The following MIPEP variants were observed in gnomAD, a reference collection of about 807,000 sequenced individuals.
The protein encoded by MIPEP is mitochondrial intermediate peptidase.
Under a neutral mutation model 90.3 loss-of-function variants are expected in MIPEP, and 79 were observed. The observed-to-expected ratio is 0.87, with a 90% CI of 0.73 to 1.05. MIPEP has a LOEUF of 1.05. MIPEP is among the 50% of genes least tolerant of loss of function. MIPEP has a pLI of 0.00. For missense variants in MIPEP, 940 were observed against 905.6 expected, an observed-to-expected ratio of 1.04 and a Z score of -0.49; for synonymous variants, 334 against 315.8, an observed-to-expected ratio of 1.06 and a Z score of -0.61.
At chr13:23,756,859 T>C (rs1453004687) in intron 17 of MIPEP, 1 of 522,556 alleles carries the variant, frequency 1.9e-6, no homozygotes, top group Non-Finnish European at 3.4e-6. Flanking sequence ...GGCTATCTGT[T>C]CTGTTAACAA....
At chr13:23,781,635 CT>C (rs1475817704) in intron 16 of MIPEP, among the ~76,000 whole-genome samples, 1 of 152,092 alleles carries the variant, frequency 6.6e-6, no homozygotes, top group Admixed American at 6.6e-5. Context: ...GGGCTAAATG[CT>C]CCAATTAAAA....
At chr13:23,799,000 G>GTTTTTTTTTTTTTTTTTTTTT (rs765292524) in intron 16 of MIPEP, among the ~76,000 whole-genome samples, 1 of 88,904 alleles carries the variant, frequency 1.1e-5, no homozygotes, top group Non-Finnish European at 2.0e-5. Context: ...AATTTTTTTG[G>GTTTTTTTTTTTTTTTTTTTTT]TTTTTTTTTT....
At chr13:23,830,811 T>C (rs1868702067) in intron 14 of MIPEP, among the ~76,000 whole-genome samples, 1 of 152,146 alleles carries the variant, frequency 6.6e-6, no homozygotes, top group African/African-American at 2.4e-5. Context: ...ATTTTACAAA[T>C]AAGCAGCAGC....
At chr13:23,770,646 T>C (rs544068163) in intron 16 of MIPEP, among the ~76,000 whole-genome samples, 2 of 152,152 alleles carry the variant, frequency 1.3e-5, no homozygotes, top group East Asian at 1.9e-4. Flanking sequence ...TGTCCTGCAA[T>C]TGGGCTGGAG....
chr13:23,862,140 A>G (rs1381080872), intron 9 of MIPEP, among the ~76,000 whole-genome samples, 162 bp downstream of exon 9: 2 of 152,040 alleles, frequency 1.3e-5, no homozygotes, highest in Non-Finnish European at 2.9e-5. Flanking sequence ...AGTTTGGGAC[A>G]TAAGAATCAA....
chr13:23,821,510 C>T (rs1953304723), intron 14 of MIPEP, among the ~76,000 whole-genome samples: 1 of 152,164 alleles, frequency 6.6e-6, no homozygotes, highest in Non-Finnish European at 1.5e-5. Context: ...CAGGTGAGAC[C>T]TGTCACAAGA....
Position 23,760,158 on chromosome 13 carries a change from G to A in MIPEP, c.1908C>T (p.Leu636=). The change falls in exon 17 of 19, where the codon CTC becomes CTT. Residue 636 remains leucine, a synonymous_variant. Coordinates refer to ENST00000382172, the MANE Select transcript of MIPEP (RefSeq NM_005932.4). ...VGYGARYYSY[L]MSRAVASMVW... Reference sequence around the variant, plus strand: ...CCATGGAGGCGACCGCTCTGGACATGAGGTAAGAGTAATATCTAGCACCAT... The same window carrying A: ...CCATGGAGGCGACCGCTCTGGACATAAGGTAAGAGTAATATCTAGCACCAT... 6.2e-7 allele frequency: 1 copy of A among 1,614,140 alleles called. No homozygotes were observed. The highest frequency in any genetic ancestry group is 8.5e-7 in the Non-Finnish European group (1 of 1,180,016).
intron 15 of MIPEP, among the ~76,000 whole-genome samples, chr13:23,807,561 T>C (rs1205571742): frequency 6.6e-6 from 1 of 152,220 alleles, no homozygotes; most frequent in African/African-American, 2.4e-5. Flanking sequence ...ATACAGACAT[T>C]TCCTAAATAT....
At chr13:23,811,587 A>G (rs193130867) in intron 14 of MIPEP, among the ~76,000 whole-genome samples, 3 of 152,314 alleles carry the variant, frequency 2.0e-5, no homozygotes, top group East Asian at 3.9e-4. Flanking sequence ...TTGCTTTTCT[A>G]TAAGTTGCTC....
intron 17 of MIPEP, 70 bp from the exon 18 acceptor site, chr13:23,756,688 A>C: frequency 3.0e-4 from 432 of 1,452,322 alleles, no homozygotes; most frequent in Non-Finnish European, 3.7e-4. Flanking sequence ...TTGAATTCTC[A>C]AAGAAAGCCA....
At chr13:23,835,240 C>T (rs902972128) in intron 14 of MIPEP, among the ~76,000 whole-genome samples, 2 of 151,790 alleles carry the variant, frequency 1.3e-5, no homozygotes, top group African/African-American at 4.8e-5. Flanking sequence ...AGGCTGGTCT[C>T]GAACTCCCAA....
chr13:23,741,961 G>C (rs917238862), intron 18 of MIPEP, among the ~76,000 whole-genome samples: 1 of 152,210 alleles, frequency 6.6e-6, no homozygotes, highest in African/African-American at 2.4e-5. Context: ...GTTAGGAACA[G>C]TCTGGTGGAC....
intron 2 of MIPEP, among the ~76,000 whole-genome samples, chr13:23,883,716 C>T (rs1293281303): frequency 6.6e-6 from 1 of 152,196 alleles, no homozygotes; most frequent in Non-Finnish European, 1.5e-5. Flanking sequence ...GTTGACTCCA[C>T]AGATCCCCCA....
intron 16 of MIPEP, among the ~76,000 whole-genome samples, chr13:23,786,933 T>C (rs533394573): frequency 5.3e-5 from 8 of 152,264 alleles, no homozygotes; most frequent in African/African-American, 1.7e-4. Flanking sequence ...GTACACAATC[T>C]TGAACACAAG....
chr13:23,831,914 T>A (rs146475012), intron 14 of MIPEP, among the ~76,000 whole-genome samples: 2 of 152,278 alleles, frequency 1.3e-5, no homozygotes, highest in South Asian at 4.1e-4. Context: ...GTTTAGACTG[T>A]CTTCTTTCCT....
intron 10 of MIPEP, among the ~76,000 whole-genome samples, chr13:23,856,533 T>A (rs974424557): frequency 3.3e-5 from 5 of 152,034 alleles, no homozygotes; most frequent in Admixed American, 1.3e-4. Flanking sequence ...AAATTGGGGG[T>A]AGATTATTCA....
At chr13:23,818,374 C>G (rs1279285710) in intron 14 of MIPEP, among the ~76,000 whole-genome samples, 2 of 152,102 alleles carry the variant, frequency 1.3e-5, no homozygotes, top group Non-Finnish European at 1.5e-5. Flanking sequence ...TGCAGTGTGA[C>G]AAGATCGCAC....
At chr13:23,746,386 C>T (rs1228150570) in intron 18 of MIPEP, among the ~76,000 whole-genome samples, 1 of 151,810 alleles carries the variant, frequency 6.6e-6, no homozygotes, top group African/African-American at 2.4e-5. Context: ...GTAATCTCAG[C>T]ACTTTGGGAG....
At chr13:23,880,605 G>T (rs1351687452) in intron 3 of MIPEP, among the ~76,000 whole-genome samples, 1 of 152,150 alleles carries the variant, frequency 6.6e-6, no homozygotes, top group African/African-American at 2.4e-5. Flanking sequence ...TCCTTCCCAG[G>T]GGCCTTTCCC....
Sources: allele counts gnomAD v4.1 joint callset (sites outside exome capture counted in the v4.1 genomes callset), GRCh38; gene constraint gnomAD v4.1.1; transcripts MANE v1.5; gene names NCBI Gene and HGNC (gene_info 2026-07-23, HGNC 2026-07-21).